Variants in KRT71 observed in about 807,000 individuals in gnomAD.
KRT71 encodes keratin 71, also known as keratin, type II cytoskeletal 71.
Under a neutral mutation model 46.2 loss-of-function variants are expected in KRT71, and 42 were observed. That is an observed-to-expected ratio of 0.91 (90% CI 0.71 to 1.18). The LOEUF is 1.18. Ranked by LOEUF, KRT71 falls within the 50% of genes most tolerant of loss-of-function variation. KRT71 has a pLI of 0.00. For synonymous variants in KRT71, 292 were observed against 277.8 expected (o/e 1.05, Z -0.51); for missense variants, 708 against 677.9 (o/e 1.04, Z -0.49).
intron 2 of KRT71, among the ~76,000 whole-genome samples, 199 bp from the exon 3 acceptor site, chr12:52,549,552 AG>A (rs1011297150): frequency 2.6e-5 from 4 of 152,182 alleles, no homozygotes; most frequent in Admixed American, 6.5e-5. Flanking sequence ...AGACTGTTAA[AG>A]ATCCAGCTTG....
In KRT71 at chr12:52,545,858, C is replaced by T. The variant is rs202020376; in HGVS notation, c.1326-259G>A. 7.9e-5 allele frequency among the ~76,000 whole-genome samples: 12 copies of T among 152,262 alleles called. No individual in the cohort carries two copies. The East Asian group carries it at 1.7e-3, about 22-fold the overall frequency. On this transcript the variant is annotated intron_variant, in intron 7 of 8. Coordinates refer to ENST00000267119, the MANE Select transcript of KRT71 (RefSeq NM_033448.3). ...GTAGGGGCAGTGTATCTACCTCCCACGTGTCAGGTCCACACACCAGCCTGC... is the reference window on the plus strand; with the variant it reads ...GTAGGGGCAGTGTATCTACCTCCCATGTGTCAGGTCCACACACCAGCCTGC...
In KRT71 at chr12:52,547,971, A is replaced by T; in HGVS notation, c.990T>A (p.Leu330=). ...EALYQTKFQE[L]QLAAGRHGDD... ...CCCCATGCCTGCCAGCTGCCAGCTG[A>T]AGCTCTTGGAACTGGGGACCCCAAA... is the stretch of plus-strand genomic sequence containing the variant. Residue 330 remains leucine, a synonymous_variant, in exon 6 of 9, where the codon CTT becomes CTA. Transcript: ENST00000267119. The T allele has an allele frequency of 6.2e-7, 1 of 1,612,980 alleles. No homozygotes were observed. The highest frequency in any genetic ancestry group is 8.5e-7 in the Non-Finnish European group (1 of 1,179,586).
chr12:52,552,317 G>T (rs663697), intron 1 of KRT71, among the ~76,000 whole-genome samples: 66,955 of 152,136 alleles, frequency 0.44, 15,911 homozygotes, highest in African/African-American at 0.62. Flanking sequence ...GGCGAGACTG[G>T]CTCTCACAGG....
chr12:52,550,054 C>T lies in KRT71; in HGVS notation c.631G>A (p.Asp211Asn), dbSNP rs945556650. 1.2e-6 allele frequency: 2 copies of T among 1,614,124 alleles called. No individual in the cohort carries two copies. Among genetic ancestry groups the T allele is most frequent in the Non-Finnish European group, 1.7e-6 (2 of 1,179,994 alleles). Residue 211 changes from aspartate (D) to asparagine (N), a missense_variant, in exon 2 of 9, where the codon GAC (aspartate) becomes AAC (asparagine). Coordinates refer to ENST00000267119, the MANE Select transcript of KRT71 (RefSeq NM_033448.3). ...RLDSELRNVR[D>N]VVEDYKKRYE... is the part of the protein sequence containing the mutation. ...CTCTTCTTGTAGTCCTCCACTACGTCCCGCACATTCCTCAGCTCCGAGTCC... is the reference window on the plus strand; with the variant it reads ...CTCTTCTTGTAGTCCTCCACTACGTTCCGCACATTCCTCAGCTCCGAGTCC...
chr12:52,545,164 T>G (rs1269434980), intron 8 of KRT71, among the ~76,000 whole-genome samples: 2 of 152,224 alleles, frequency 1.3e-5, no homozygotes, highest in Non-Finnish European at 2.9e-5. Context: ...GATCTGATAC[T>G]GCCAGCTTGA....
Position 52,547,930 on chromosome 12 carries a change from G to T in KRT71, c.1031C>A (p.Thr344Asn). ...AGRHGDDLKN[T>N]KNEISELTRL... ...AGTGAGCTCCGAGATTTCATTCTTGGTGTTTTTGAGGTCGTCCCCATGCCT... is the reference window on the plus strand; with the variant it reads ...AGTGAGCTCCGAGATTTCATTCTTGTTGTTTTTGAGGTCGTCCCCATGCCT... The change falls in exon 6 of 9, where the codon ACC becomes AAC. Residue 344 changes from threonine to asparagine, a missense_variant. Thr to Asn is a moderately conservative substitution (Grantham distance 65). Coordinates refer to ENST00000267119, the MANE Select transcript of KRT71 (RefSeq NM_033448.3). 3 of 1,614,182 alleles carry T rather than the reference G, an allele frequency of 1.9e-6. No homozygotes were observed. Among genetic ancestry groups the T allele is most frequent in the Non-Finnish European group, 2.5e-6 (3 of 1,180,042 alleles).
At position 52,552,679 on chromosome 12, in the gene KRT71, C is replaced by G; in HGVS notation, c.399G>C (p.Gln133His). Residue 133 changes from glutamine (Q) to histidine (H), a missense_variant, in exon 1 of 9, where the codon CAG becomes CAC. Gln to His is a conservative substitution (Grantham distance 24). Transcript: ENST00000267119. ...IQKVRAQERE[Q>H]IKALNNKFAS... ...CGAACTTGTTGTTCAGAGCCTTGAT[C>G]TGCTCTCGCTCCTGGGCACGCACTT... The G allele has an allele frequency of 5.6e-6, 9 of 1,613,592 alleles. No homozygotes were observed. Among genetic ancestry groups the G allele is most frequent in the Non-Finnish European group, 6.8e-6 (8 of 1,179,700 alleles).
intron 2 of KRT71, 135 bp downstream of exon 2, chr12:52,549,894 G>A (rs994891592): frequency 1.7e-4 from 164 of 983,342 alleles, no homozygotes; most frequent in Non-Finnish European, 2.4e-4. Flanking sequence ...AGTTTTGTTG[G>A]GGTGATTCTG....
Position 52,550,029 on chromosome 12 carries a change from C to T in KRT71, c.656G>A (p.Arg219Lys). ...TTACAGGGGGACTCCTCCTGCTCAC[C>T]TCTTCTTGTAGTCCTCCACTACGTC... The part of the protein sequence containing the change: ...VRDVVEDYKK[R>K]YEEEINKRTA... The change falls in exon 2 of 9, where the codon AGG becomes AAG. Residue 219 changes from arginine (R) to lysine (K), a missense_variant and splice_region_variant. Transcript: ENST00000267119. The T allele has an allele frequency of 6.2e-7, 1 of 1,614,046 alleles. No individual in the cohort carries two copies. Among genetic ancestry groups the T allele is most frequent in the East Asian group, 2.2e-5 (1 of 44,870 alleles).
rs754218285 is a variant in KRT71, at chr12:52,548,283, T to A, written c.847A>T (p.Met283Leu). ...ITQIQSHISD[M>L]SVILSMDNNR... ...TTGTCCATGGACAGGATGACAGACA[T>A]GTCACTGATGTGGGACTGGATCTGA... Residue 283 changes from methionine (M) to leucine (L), a missense_variant, in exon 5 of 9, where the codon ATG becomes TTG. By Grantham distance (15) the Met-to-Leu change is conservative (BLOSUM62 2). Coordinates refer to ENST00000267119, the MANE Select transcript of KRT71 (RefSeq NM_033448.3). 3.7e-6 allele frequency: 6 copies of A among 1,613,816 alleles called. No individual in the cohort carries two copies. Among genetic ancestry groups the A allele is most frequent in the Middle Eastern group, 1.7e-4 (1 of 6,060 alleles).
In KRT71 at chr12:52,546,508, T is replaced by C; in HGVS notation, c.1105-2A>G. ...GATGGCTGTCTCCAGGTTGGAAGCC[T>C]AAGGAAGGAATTGGTGAAGTCGAAA... is the stretch of plus-strand genomic sequence containing the variant. On this transcript the variant is annotated splice_acceptor_variant, in intron 6 of 8. Coordinates refer to ENST00000267119, the MANE Select transcript of KRT71 (RefSeq NM_033448.3). LOFTEE classifies it high-confidence loss of function. 6.2e-7 allele frequency: 1 copy of C among 1,613,302 alleles called. No individual in the cohort carries two copies. Among genetic ancestry groups the C allele is most frequent in the South Asian group, 1.1e-5 (1 of 91,042 alleles).
chr12:52,548,750 A>T lies in KRT71; in HGVS notation c.764T>A (p.Val255Glu). ...CTTGATCTCCTGGTCCATGGATTCC[A>T]CCTTGGCCTGCAGTTCCACCTTATT... The part of the protein sequence containing the change: ...YANKVELQAK[V>E]ESMDQEIKFF... The change falls in exon 4 of 9, where the codon GTG becomes GAG. Residue 255 changes from valine to glutamate, a missense_variant. Coordinates refer to ENST00000267119, the MANE Select transcript of KRT71 (RefSeq NM_033448.3). 1 of 1,614,186 alleles carries T rather than the reference A, an allele frequency of 6.2e-7. No individual in the cohort carries two copies. The highest frequency in any genetic ancestry group is 8.5e-7 in the Non-Finnish European group (1 of 1,180,036).
intron 3 of KRT71, 67 bp downstream of exon 3, chr12:52,549,226 C>G (rs1939116814): frequency 9.7e-6 from 12 of 1,241,212 alleles, no homozygotes; most frequent in Non-Finnish European, 1.4e-5. Flanking sequence ...AACAGAGCAC[C>G]TTGGCAGGCT....
Position 52,552,954 on chromosome 12 carries a change from C to T in KRT71, c.124G>A (p.Gly42Ser), listed in dbSNP as rs142751500. 1.1e-4 allele frequency: 173 copies of T among 1,614,198 alleles called. No individual in the cohort carries two copies. The African/African-American group carries it at 2.0e-3, about 19-fold the overall frequency. The stretch of plus-strand genomic sequence containing the variant: ...CTGTAGAGGCTCCGGCTGCCAAAGC[C>T]CCCACTGAGCCCTTTGCTCCCTGCC... Reference protein sequence around the residue: ...FRAGSKGLSGGFGSRSLYSLG... With the variant: ...FRAGSKGLSGSFGSRSLYSLG... The change falls in exon 1 of 9, where the codon GGC becomes AGC. Residue 42 changes from glycine to serine, a missense_variant. Transcript: ENST00000267119.
chr12:52,548,846 G>A (rs1322472979), intron 3 of KRT71, 50 bp from the exon 4 acceptor site: 1 of 1,531,530 alleles, frequency 6.5e-7, no homozygotes. Flanking sequence ...AGCCAAAAAG[G>A]CAGCAGCCAT....
Position 52,553,008 on chromosome 12 carries a change from G to A in KRT71, c.70C>T (p.Leu24Phe). 1.2e-6 allele frequency: 2 copies of A among 1,612,602 alleles called. No individual in the cohort carries two copies. Among genetic ancestry groups the A allele is most frequent in the Non-Finnish European group, 1.7e-6 (2 of 1,179,202 alleles). Residue 24 changes from leucine (L) to phenylalanine (F), a missense_variant, in exon 1 of 9, where the codon CTC becomes TTC. By Grantham distance (22) the Leu-to-Phe change is conservative (BLOSUM62 0). Coordinates refer to ENST00000267119, the MANE Select transcript of KRT71 (RefSeq NM_033448.3). ...AAGGAGGATGAGCTGCCCCCTGAGA[G>A]CACAGCTGAGCAGCCACTGAAGCCC... ...KGGFSGCSAV[L>F]SGGSSSSFRA...
intron 6 of KRT71, 92 bp downstream of exon 6, chr12:52,547,765 C>T (rs1219238106): frequency 5.3e-5 from 79 of 1,484,054 alleles, no homozygotes; most frequent in East Asian, 6.9e-5. Flanking sequence ...TCCCAGGCAG[C>T]GATCTGGGAG....
rs779856941 is a variant in KRT71, at chr12:52,546,277, C to G, written c.1325+9G>C. The G allele has an allele frequency of 6.2e-7, 1 of 1,613,828 alleles. No individual in the cohort carries two copies. On this transcript the variant is annotated intron_variant, in intron 7 of 8. Coordinates refer to ENST00000267119, the MANE Select transcript of KRT71 (RefSeq NM_033448.3). ...CTGGGGCCCTCCTGTCTGGGCACGC[C>G]CCGCCCACCTGCACTCCTCGCTCTC...
Position 52,548,887 on chromosome 12 carries a change from GTCAC to G in KRT71, c.718-95_718-92del, listed in dbSNP as rs1243056458. ...CCTGGGTTCCCTGAGTGAAGAAGGA[GTCAC>G]TCTCTTCTCTTCACTTTGCCTTGGG... On this transcript the variant is annotated intron_variant, in intron 3 of 8. Transcript: ENST00000267119. The G allele has an allele frequency of 9.1e-6, 10 of 1,095,266 alleles. No homozygotes were observed. In the Admixed American group the frequency reaches 1.7e-4, roughly 19 times the overall value. The allele number at this position is 1,095,266 out of a possible 1,614,324, so 67.8% of individuals were successfully genotyped here. A position where few individuals can be genotyped will look rare whatever the true frequency, so the allele number is the denominator to read the frequency against.
Sources: allele counts gnomAD v4.1 joint callset (sites outside exome capture counted in the v4.1 genomes callset), GRCh38; gene constraint gnomAD v4.1.1; transcripts MANE v1.5; gene names NCBI Gene and HGNC (gene_info 2026-07-23, HGNC 2026-07-21).